PCDH15: variants seen among roughly 807,000 people sequenced by gnomAD.
PCDH15 encodes protocadherin-15.
In PCDH15, 129 loss-of-function variants were observed where a neutral mutation model predicts 178.5. The ratio of observed to expected loss-of-function variants is 0.72; its 90% confidence interval spans 0.63 to 0.84. The LOEUF (loss-of-function observed/expected upper bound fraction) is 0.84. Ranked by LOEUF, PCDH15 falls within the 40% of genes least tolerant of loss-of-function variation. The pLI, the probability that PCDH15 is intolerant of heterozygous loss-of-function variation, is 0.00. For synonymous variants in PCDH15, 800 were observed against 732.0 expected (o/e 1.09, Z -1.50); for missense variants, 2,230 against 2,099.9 (o/e 1.06, Z -1.21).
chr10:54,541,020 G>A (rs2085155296), intron 2 of PCDH15, among the ~76,000 whole-genome samples: 1 of 151,950 alleles, frequency 6.6e-6, no homozygotes, highest in African/African-American at 2.4e-5. Flanking sequence ...AAAATAATAG[G>A]AGCCATATAT....
chr10:55,332,389 C>T (rs1157049738), intron 2 of PCDH15, among the ~76,000 whole-genome samples: 2 of 151,940 alleles, frequency 1.3e-5, no homozygotes, highest in African/African-American at 4.8e-5. Context: ...AAGAGGTCCC[C>T]CATTGGCAAA....
chr10:55,081,892 T>C, intron 2 of PCDH15, among the ~76,000 whole-genome samples: 1 of 152,134 alleles, frequency 6.6e-6, no homozygotes. Context: ...CAATTATATA[T>C]GAACCAAGTA....
At chr10:55,172,144 A>G (rs1400038527) in intron 1 of PCDH15, among the ~76,000 whole-genome samples, 1 of 151,974 alleles carries the variant, frequency 6.6e-6, no homozygotes, top group Non-Finnish European at 1.5e-5. Context: ...TAAATAATAT[A>G]AAATATAAAT....
chr10:55,420,432 T>G (rs1245563967), intron 2 of PCDH15, among the ~76,000 whole-genome samples: 2 of 150,590 alleles, frequency 1.3e-5, no homozygotes, highest in East Asian at 3.9e-4. Context: ...GAATTTAGGG[T>G]TATGTTGACA....
At chr10:55,348,709 C>T (rs929205666) in intron 2 of PCDH15, among the ~76,000 whole-genome samples, 10 of 152,026 alleles carry the variant, frequency 6.6e-5, no homozygotes, top group African/African-American at 2.4e-4. Flanking sequence ...GAAACATTCC[C>T]TGTGGAGGGA....
intron 1 of PCDH15, among the ~76,000 whole-genome samples, chr10:55,316,694 T>A (rs1473137256): frequency 6.6e-6 from 1 of 152,164 alleles, no homozygotes; most frequent in African/African-American, 2.4e-5. Context: ...CTAAATTTTG[T>A]CACTCTTTTC....
chr10:54,316,562 ACACACACACACAC>A (rs202013235), intron 8 of PCDH15, among the ~76,000 whole-genome samples: 18,605 of 90,740 alleles, frequency 0.21, 1,256 homozygotes, highest in Middle Eastern at 0.37. Context: ...ACACACACAC[ACACACACACACAC>A]AAATACACCT....
chr10:54,060,924 C>T (rs868026084), intron 18 of PCDH15, among the ~76,000 whole-genome samples: 1 of 152,078 alleles, frequency 6.6e-6, no homozygotes, highest in Non-Finnish European at 1.5e-5. Flanking sequence ...ATAAAACAGG[C>T]TTTTAAAGGT....
intron 2 of PCDH15, among the ~76,000 whole-genome samples, chr10:54,619,609 C>T (rs1299928450): frequency 6.6e-6 from 1 of 151,872 alleles, no homozygotes; most frequent in Non-Finnish European, 1.5e-5. Context: ...GATTTGGTCC[C>T]ACCAAAGGTA....
chr10:53,933,252 C>T (rs550116772), intron 25 of PCDH15, among the ~76,000 whole-genome samples: 1 of 151,700 alleles, frequency 6.6e-6, no homozygotes, highest in African/African-American at 2.4e-5. Context: ...TATACATGTG[C>T]CATGTTGGTG....
intron 9 of PCDH15, among the ~76,000 whole-genome samples, chr10:54,230,632 C>G (rs1023270928): frequency 6.6e-6 from 1 of 151,966 alleles, no homozygotes; most frequent in African/African-American, 2.4e-5. Flanking sequence ...TAATACCTAC[C>G]ACAGTTAATG....
intron 2 of PCDH15, among the ~76,000 whole-genome samples, chr10:55,532,079 T>A (rs1841467118): frequency 6.6e-6 from 1 of 152,046 alleles, no homozygotes; most frequent in Non-Finnish European, 1.5e-5. Context: ...GAATAACAGT[T>A]GTACATAGCT....
intron 9 of PCDH15, among the ~76,000 whole-genome samples, chr10:54,216,104 G>A (rs1052479839): frequency 7.1e-6 from 1 of 140,230 alleles, no homozygotes; most frequent in African/African-American, 2.7e-5. Flanking sequence ...TTCATATCCC[G>A]AATATATATA....
rs7921199 is a variant in PCDH15 at position 54,799,563 on chromosome 10, C to T, written c.-29+1362G>A. On this transcript the variant is annotated intron_variant, in intron 1 of 37. Transcript: ENST00000644397. ...TAGGTAGCACAAACTCTGACCTGTT[C>T]AGGTCACTTAATGATTATGTTTAAG... is the stretch of plus-strand genomic sequence containing the variant. Among the ~76,000 whole-genome samples, 803 of 152,178 alleles carry T rather than the reference C, an allele frequency of 5.3e-3. 12 individuals carry two copies. The highest frequency in any genetic ancestry group is 0.019 in the African/African-American group (770 of 41,508).
At chr10:53,809,148 C>A (rs534167845) in intron 37 of PCDH15, 2 of 1,613,918 alleles carry the variant, frequency 1.2e-6, no homozygotes, top group African/African-American at 1.3e-5. Context: ...AACTCTCCTC[C>A]TCCTCAGAGG....
chr10:55,444,930 T>C (rs1005248286), intron 2 of PCDH15, among the ~76,000 whole-genome samples: 1 of 151,908 alleles, frequency 6.6e-6, no homozygotes, highest in African/African-American at 2.4e-5. Context: ...AAAGGGAAAA[T>C]AGGAACTAAG....
intron 2 of PCDH15, among the ~76,000 whole-genome samples, chr10:55,026,227 T>C (rs1464920428): frequency 1.3e-5 from 2 of 151,418 alleles, no homozygotes; most frequent in African/African-American, 2.4e-5. Flanking sequence ...TGCAGATTTA[T>C]GGAGGCAACT....
intron 32 of PCDH15, chr10:53,823,890 G>A: frequency 7.3e-6 from 3 of 412,364 alleles, no homozygotes; most frequent in Admixed American, 5.1e-5. Context: ...ACCAAGGACA[G>A]ATGGGAGTTT....
At chr10:55,284,837 G>A (rs1440925798) in intron 1 of PCDH15, among the ~76,000 whole-genome samples, 3 of 151,904 alleles carry the variant, frequency 2.0e-5, no homozygotes, top group Non-Finnish European at 4.4e-5. Context: ...AAATCTTGGT[G>A]TGTATTTTTA....
Sources: allele counts gnomAD v4.1 joint callset (sites outside exome capture counted in the v4.1 genomes callset), GRCh38; gene constraint gnomAD v4.1.1; transcripts MANE v1.5; gene names NCBI Gene and HGNC (gene_info 2026-07-23, HGNC 2026-07-21).